Variants in SLC4A10 observed in about 807,000 individuals in gnomAD.
SLC4A10 encodes the protein solute carrier family 4 member 10.
In SLC4A10, 42 loss-of-function variants were observed where a neutral mutation model predicts 137.7. That is an observed-to-expected ratio of 0.30 (90% CI 0.24 to 0.39). SLC4A10 has a LOEUF of 0.39. SLC4A10 is among the 10% of genes least tolerant of loss of function. SLC4A10 has a pLI of 1.00. For synonymous variants in SLC4A10, 474 were observed against 464.1 expected (o/e 1.02, Z -0.27); for missense variants, 925 against 1,355.0 (o/e 0.68, Z 4.98).
At chr2:161,837,234 T>C (rs1011728671) in intron 3 of SLC4A10, among the ~76,000 whole-genome samples, 1 of 152,098 alleles carries the variant, frequency 6.6e-6, no homozygotes, top group Non-Finnish European at 1.5e-5. Context: ...AAATTAGAAA[T>C]AATAAGTAAG....
intron 1 of SLC4A10, chr2:161,650,939 A>G (rs1574105253): frequency 6.6e-6 from 1 of 152,414 alleles, no homozygotes; most frequent in South Asian, 2.1e-4. Context: ...AGGTCCCTGG[A>G]GAAGCCCCGC....
At chr2:161,852,185 C>T (rs776154768) in intron 4 of SLC4A10, among the ~76,000 whole-genome samples, 1 of 152,296 alleles carries the variant, frequency 6.6e-6, no homozygotes. Flanking sequence ...TAATTGAGGA[C>T]ATTTTCCATA....
intron 17 of SLC4A10, 95 bp from the exon 18 acceptor site, chr2:161,949,053 T>G: frequency 2.7e-6 from 2 of 732,086 alleles, no homozygotes; most frequent in East Asian, 2.6e-5. Context: ...TATTATGTCA[T>G]AAAGTGTTTA....
intron 4 of SLC4A10, among the ~76,000 whole-genome samples, chr2:161,847,330 A>G (rs373009050): frequency 2.0e-5 from 3 of 151,548 alleles, no homozygotes; most frequent in South Asian, 4.2e-4. Flanking sequence ...AAATCTTATC[A>G]GTATTCTTTT....
At chr2:161,712,185 CTT>C (rs2044365550) in intron 1 of SLC4A10, among the ~76,000 whole-genome samples, 1 of 151,824 alleles carries the variant, frequency 6.6e-6, no homozygotes, top group African/African-American at 2.4e-5. Context: ...AGAATTGTGA[CTT>C]GATGAAAGAT....
At chr2:161,935,100 A>G (rs1190675949) in intron 15 of SLC4A10, among the ~76,000 whole-genome samples, 2 of 152,140 alleles carry the variant, frequency 1.3e-5, no homozygotes, top group South Asian at 2.1e-4. Flanking sequence ...ATTCTTCCAC[A>G]TGTGGATATT....
chr2:161,762,528 A>G (rs932838732), intron 1 of SLC4A10, among the ~76,000 whole-genome samples: 1 of 152,064 alleles, frequency 6.6e-6, no homozygotes, highest in African/African-American at 2.4e-5. Flanking sequence ...AAATGGAATG[A>G]CTCTAGGGTA....
intron 26 of SLC4A10, among the ~76,000 whole-genome samples, 193 bp downstream of exon 26, chr2:161,977,953 G>A (rs1699650213): frequency 1.3e-5 from 2 of 152,148 alleles, no homozygotes; most frequent in African/African-American, 2.4e-5. Flanking sequence ...CTTTAAGTTA[G>A]TCTGAAACTT....
chr2:161,967,858 C>G (rs573080662), intron 23 of SLC4A10, among the ~76,000 whole-genome samples: 5 of 151,852 alleles, frequency 3.3e-5, no homozygotes, highest in Non-Finnish European at 5.9e-5. Context: ...GAGAACCTAT[C>G]AATAACTTTA....
chr2:161,803,737 A>AT (rs1300074666), intron 2 of SLC4A10, among the ~76,000 whole-genome samples: 1 of 152,094 alleles, frequency 6.6e-6, no homozygotes, highest in African/African-American at 2.4e-5. Context: ...TCTGTAGAGG[A>AT]TACGTTCTAA....
chr2:161,662,087 G>C (rs1279294695), intron 1 of SLC4A10, among the ~76,000 whole-genome samples: 1 of 152,094 alleles, frequency 6.6e-6, no homozygotes, highest in East Asian at 1.9e-4. Context: ...AATCTAATAT[G>C]AATGTTTGGG....
At chr2:161,663,307 A>T (rs1200072899) in intron 1 of SLC4A10, among the ~76,000 whole-genome samples, 1 of 152,008 alleles carries the variant, frequency 6.6e-6, no homozygotes, top group South Asian at 2.1e-4. Context: ...GAAGTGAAGA[A>T]TATGTTTCTT....
chr2:161,833,949 T>C (rs147755699), intron 3 of SLC4A10, among the ~76,000 whole-genome samples: 2 of 152,242 alleles, frequency 1.3e-5, no homozygotes, highest in Admixed American at 1.3e-4. Context: ...CTGCAGAAAC[T>C]GATCATCTCC....
intron 1 of SLC4A10, among the ~76,000 whole-genome samples, chr2:161,639,733 G>T (rs2035005316): frequency 1.3e-5 from 2 of 152,064 alleles, no homozygotes; most frequent in Admixed American, 1.3e-4. Context: ...TGCCCACTTT[G>T]CCACTTTTAT....
chr2:161,794,277 C>T (rs1019468672), intron 2 of SLC4A10, among the ~76,000 whole-genome samples: 9 of 152,042 alleles, frequency 5.9e-5, no homozygotes, highest in African/African-American at 2.2e-4. Flanking sequence ...AAAAGTAACT[C>T]GCCAATAAAT....
chr2:161,752,319 G>T (rs997206968), intron 1 of SLC4A10, among the ~76,000 whole-genome samples: 1 of 151,812 alleles, frequency 6.6e-6, no homozygotes, highest in Non-Finnish European at 1.5e-5. Context: ...AGGTCAAGAG[G>T]ATGAAGCACT....
Position 161,839,936 on chromosome 2 carries a change from T to C in SLC4A10, c.416+9T>C, listed in dbSNP as rs1403399995. The C allele has an allele frequency of 3.1e-6, 5 of 1,613,742 alleles. No individual in the cohort carries two copies. The East Asian group carries it at 1.1e-4, about 36-fold the overall frequency. ...TGGCGAGAAACAGCCAGGTGAGGAT[T>C]TTTGTTAAAGGGTGAAGGTATACTA... On this transcript the variant is annotated intron_variant, in intron 4 of 26. Transcript: ENST00000446997.
intron 1 of SLC4A10, among the ~76,000 whole-genome samples, chr2:161,738,265 A>G (rs1326395155): frequency 6.6e-6 from 1 of 152,196 alleles, no homozygotes; most frequent in Non-Finnish European, 1.5e-5. Context: ...TTGGGATCCC[A>G]CTTCTGACAC....
intron 23 of SLC4A10, among the ~76,000 whole-genome samples, chr2:161,972,440 C>G (rs905766676): frequency 2.6e-5 from 4 of 152,112 alleles, no homozygotes; most frequent in Non-Finnish European, 5.9e-5. Flanking sequence ...GGCTGCAGAT[C>G]AGCTCTGCTA....
Sources: allele counts gnomAD v4.1 joint callset (sites outside exome capture counted in the v4.1 genomes callset), GRCh38; gene constraint gnomAD v4.1.1; transcripts MANE v1.5; gene names NCBI Gene and HGNC (gene_info 2026-07-23, HGNC 2026-07-21).